CLASP2: variants seen among roughly 807,000 people sequenced by gnomAD.
CLASP2 encodes the protein CLIP-associating protein 2.
Under a neutral mutation model 194.4 loss-of-function variants are expected in CLASP2, and 47 were observed. The observed-to-expected ratio is 0.24, with a 90% CI of 0.19 to 0.31. The LOEUF (loss-of-function observed/expected upper bound fraction) is 0.31, where lower values mean the gene tolerates loss of function less well. CLASP2 is among the 10% of genes least tolerant of loss of function. The probability of loss-of-function intolerance (pLI) is 1.00; values close to 1 mark genes in which losing one functional copy is unlikely to be tolerated. For missense variants in CLASP2, 1,445 were observed against 1,823.6 expected, an observed-to-expected ratio of 0.79 and a Z score of 3.78; for synonymous variants, 619 against 633.5, an observed-to-expected ratio of 0.98 and a Z score of 0.34.
At chr3:33,553,773 C>T (rs2060440084) in intron 29 of CLASP2, among the ~76,000 whole-genome samples, 1 of 152,064 alleles carries the variant, frequency 6.6e-6, no homozygotes. Context: ...TTAGTACTGC[C>T]ATTATGAAAA....
At chr3:33,659,075 G>A in intron 7 of CLASP2, 2 of 1,516,952 alleles carry the variant, frequency 1.3e-6, no homozygotes, top group Non-Finnish European at 8.8e-7. Context: ...ACTGGGCTCG[G>A]CCTGCAGCCT....
intron 3 of CLASP2, among the ~76,000 whole-genome samples, chr3:33,689,352 C>T (rs904882303): frequency 2.0e-5 from 3 of 150,262 alleles, no homozygotes; most frequent in African/African-American, 4.9e-5. Context: ...AATGAATAAA[C>T]GAGAGTGGAA....
At chr3:33,623,896 C>CA (rs1395858162) in intron 10 of CLASP2, among the ~76,000 whole-genome samples, 1 of 152,032 alleles carries the variant, frequency 6.6e-6, no homozygotes, top group Non-Finnish European at 1.5e-5. Flanking sequence ...CAATACAATA[C>CA]AAACCCACAG....
intron 21 of CLASP2, among the ~76,000 whole-genome samples, chr3:33,586,619 T>C (rs958094846): frequency 6.6e-6 from 1 of 152,182 alleles, no homozygotes; most frequent in Non-Finnish European, 1.5e-5. Context: ...AAGCACTTTA[T>C]GTCTACGTTG....
chr3:33,506,788 T>C (rs2048366094), intron 37 of CLASP2, among the ~76,000 whole-genome samples: 2 of 152,304 alleles, frequency 1.3e-5, no homozygotes, highest in South Asian at 4.1e-4. Flanking sequence ...TGCCTATAAA[T>C]GTGAGGGTTA....
At position 33,592,418 on chromosome 3, in the gene CLASP2, G is replaced by C. The variant is rs779555760; in HGVS notation, c.2045C>G (p.Thr682Arg). 29 of 1,613,314 alleles carry C rather than the reference G, an allele frequency of 1.8e-5. No homozygotes were observed. The highest frequency in any genetic ancestry group is 2.4e-5 in the Non-Finnish European group (28 of 1,179,580). ...ACGCTGTGATTGAGACACCATTTTT[G>C]TTCGACTTCTTCCTCTAGAATCTGC... ...AKADSRGRSRTKMVSQSQPGS... is the reference protein window; with the variant it reads ...AKADSRGRSRRKMVSQSQPGS... Residue 682 changes from threonine (T) to arginine (R), a missense_variant, in exon 21 of 39, where the codon ACA becomes AGA. Thr to Arg is a moderately conservative substitution (Grantham distance 71). This residue lies in a region of CLASP2 where 174 missense variants were observed against 179.0 expected (regional missense o/e 0.97). Transcript: ENST00000682230.
intron 1 of CLASP2, among the ~76,000 whole-genome samples, chr3:33,702,886 C>T (rs2092465567): frequency 6.6e-6 from 1 of 152,090 alleles, no homozygotes; most frequent in Non-Finnish European, 1.5e-5. Context: ...GTCTTTTCAA[C>T]AAATGGTACT....
At chr3:33,584,290 T>A (rs953355478) in intron 22 of CLASP2, among the ~76,000 whole-genome samples, 1 of 150,510 alleles carries the variant, frequency 6.6e-6, no homozygotes, top group South Asian at 2.1e-4. Flanking sequence ...GGGTTTTTTT[T>A]TTTTTTTTTG....
chr3:33,530,010 A>AAG (rs2055847272), intron 34 of CLASP2, among the ~76,000 whole-genome samples: 1 of 151,216 alleles, frequency 6.6e-6, no homozygotes, highest in Non-Finnish European at 1.5e-5. Flanking sequence ...AAAAAAAAAA[A>AAG]AGATCTTCAA....
chr3:33,510,544 G>A lies in CLASP2; in HGVS notation c.4317+14C>T, dbSNP rs763754327. ...TGTATCATGGCTTATTCCTCTCCAAGCTTTGTTGCTTACCTGTATTAGACC... is the reference window on the plus strand; with the variant it reads ...TGTATCATGGCTTATTCCTCTCCAAACTTTGTTGCTTACCTGTATTAGACC... On this transcript the variant is annotated intron_variant, in intron 37 of 38. Transcript: ENST00000682230. The A allele has an allele frequency of 6.2e-6, 10 of 1,611,946 alleles. No individual in the cohort carries two copies. The highest frequency in any genetic ancestry group is 2.2e-5 in the East Asian group (1 of 44,868).
At chr3:33,550,522 G>A (rs1424830902) in intron 30 of CLASP2, among the ~76,000 whole-genome samples, 1 of 151,664 alleles carries the variant, frequency 6.6e-6, no homozygotes, top group African/African-American at 2.4e-5. Context: ...GTCAAAACTG[G>A]AGAAAACAAC....
intron 36 of CLASP2, among the ~76,000 whole-genome samples, chr3:33,513,313 C>T (rs186450868): frequency 6.6e-6 from 1 of 152,104 alleles, no homozygotes; most frequent in Non-Finnish European, 1.5e-5. Flanking sequence ...CCAAGCCAGG[C>T]AGATCACTTG....
At chr3:33,546,824 T>C (rs1365946007) in intron 30 of CLASP2, among the ~76,000 whole-genome samples, 1 of 152,240 alleles carries the variant, frequency 6.6e-6, no homozygotes, top group Admixed American at 6.5e-5. Context: ...CAATAATTTC[T>C]ACAGTCACAT....
chr3:33,559,433 A>G lies in CLASP2; in HGVS notation c.2931-48T>C, dbSNP rs551392533. 200 of 1,057,384 alleles carry G rather than the reference A, an allele frequency of 1.9e-4. 1 individual carries two copies. The Admixed American group carries it at 2.1e-3, about 11-fold the overall frequency. The allele number at this position is 1,057,384 out of a possible 1,614,324, so 65.5% of individuals were successfully genotyped here. ...CGAAACAAAAATTTAGTTAGCAAGT[A>G]CGCATGTAACAGCAAAAGACTATGC... On this transcript the variant is annotated intron_variant, in intron 28 of 38. Transcript: ENST00000682230.
chr3:33,626,710 C>G (rs2078115877), intron 10 of CLASP2, among the ~76,000 whole-genome samples: 1 of 152,102 alleles, frequency 6.6e-6, no homozygotes, highest in South Asian at 2.1e-4. Context: ...CTAAAGCCCT[C>G]TGAATCTCAC....
At chr3:33,658,878 C>G in intron 7 of CLASP2, 1 of 1,158,264 alleles carries the variant, frequency 8.6e-7, no homozygotes, top group Non-Finnish European at 1.2e-6. Context: ...GTCCTTCATT[C>G]TTTAGGGAGA....
chr3:33,597,924 T>C (rs184696385), intron 18 of CLASP2, among the ~76,000 whole-genome samples: 38 of 152,086 alleles, frequency 2.5e-4, no homozygotes, highest in Middle Eastern at 3.4e-3. Flanking sequence ...GGCTAATTTT[T>C]GTATTTTTAG....
At chr3:33,535,195 C>T in intron 34 of CLASP2, 38 bp downstream of exon 34, 1 of 1,428,790 alleles carries the variant, frequency 7.0e-7, no homozygotes, top group East Asian at 2.3e-5. Context: ...TTACCAAGTT[C>T]TCCAAAACAG....
intron 30 of CLASP2, among the ~76,000 whole-genome samples, chr3:33,548,341 G>C (rs548416549): frequency 6.6e-6 from 1 of 151,082 alleles, no homozygotes; most frequent in African/African-American, 2.4e-5. Flanking sequence ...TCTGTTGCCC[G>C]GGCTGGAGTG....
Sources: allele counts gnomAD v4.1 joint callset (sites outside exome capture counted in the v4.1 genomes callset), GRCh38; gene constraint gnomAD v4.1.1; regional missense constraint gnomAD v4.1.1; transcripts MANE v1.5; gene names NCBI Gene and HGNC (gene_info 2026-07-23, HGNC 2026-07-21).